Variants in MRE11 observed in about 807,000 individuals in gnomAD.
The protein encoded by MRE11 is double-strand break repair protein MRE11.
In MRE11, 62 loss-of-function variants were observed where a neutral mutation model predicts 91.7. The ratio of observed to expected loss-of-function variants is 0.68; its 90% CI spans 0.55 to 0.84. The LOEUF (loss-of-function observed/expected upper bound fraction) is 0.84, where lower values mean the gene tolerates loss of function less well. Among genes scored for constraint, MRE11 ranks in the 40% least tolerant of loss-of-function variants. MRE11 has a pLI of 0.00. For synonymous variants in MRE11, 273 were observed against 271.4 expected (o/e 1.01, Z -0.06); for missense variants, 796 against 852.9 (o/e 0.93, Z 0.83).
rs1945087108 is a variant in MRE11 at position 94,418,750 on chromosome 11, T to C, written c.*1375A>G. On this transcript the variant is annotated 3_prime_UTR_variant, in exon 20 of 20. Coordinates refer to ENST00000323929, the MANE Select transcript of MRE11 (RefSeq NM_005591.4). ...AGGACAATGCCTTCCACTGAGTTAA[T>C]GTTACTTGCTCAAATAACCCTTATG... The C allele has an allele frequency of 4.3e-6, 1 of 232,346 alleles. No individual in the cohort carries two copies. The highest frequency in any genetic ancestry group is 2.2e-5 in the African/African-American group (1 of 45,336). 14.4% of individuals were successfully genotyped at this position (232,346 alleles called of 1,614,324 possible). A position where few individuals can be genotyped will look rare whatever the true frequency, so the allele number is the denominator to read the frequency against.
Position 94,471,301 on chromosome 11 carries a change from C to T in MRE11, c.845+273G>A, listed in dbSNP as rs567003688. 6.4e-4 allele frequency among the ~76,000 whole-genome samples: 98 copies of T among 152,086 alleles called. 1 individual carries two copies. The highest frequency in any genetic ancestry group is 2.2e-3 in the African/African-American group (92 of 41,544). On this transcript the variant is annotated intron_variant, in intron 8 of 19. Transcript: ENST00000323929. Reference sequence around the variant, plus strand: ...GAAATTAGTAATCATCAACCTAAAACATCTACCTTGAAATATAATAAAAAT... The same window carrying T: ...GAAATTAGTAATCATCAACCTAAAATATCTACCTTGAAATATAATAAAAAT...
At chr11:94,468,515 A>G (rs754731314) in intron 9 of MRE11, among the ~76,000 whole-genome samples, 9 of 152,224 alleles carry the variant, frequency 5.9e-5, no homozygotes, top group Non-Finnish European at 1.3e-4. Context: ...CAGATGGCCA[A>G]CTTCATAGCT....
At chr11:94,461,128 C>T in intron 11 of MRE11, 92 bp from the exon 12 acceptor site, 1 of 1,043,304 alleles carries the variant, frequency 9.6e-7, no homozygotes, top group Non-Finnish European at 1.4e-6. Flanking sequence ...AAGGTAAGGC[C>T]AAACTTTAGC....
chr11:94,507,947 T>A, the MRE11 span, among the ~76,000 whole-genome samples: 4 of 152,322 alleles, frequency 2.6e-5, no homozygotes, highest in Middle Eastern at 0.01. Flanking sequence ...GTGATTTTAA[T>A]GAAGAGAATA....
intron 19 of MRE11, among the ~76,000 whole-genome samples, chr11:94,424,227 A>G (rs1303203572): frequency 2.6e-5 from 4 of 152,216 alleles, no homozygotes; most frequent in Non-Finnish European, 5.9e-5. Context: ...ACTGGATCAC[A>G]GCCAAAATTA....
chr11:94,484,819 AG>A (rs1453115476), intron 4 of MRE11, among the ~76,000 whole-genome samples: 1 of 152,248 alleles, frequency 6.6e-6, no homozygotes, highest in African/African-American at 2.4e-5. Flanking sequence ...TATAAGTATC[AG>A]GGTCATGAAA....
At position 94,479,558 on chromosome 11, in the gene MRE11, T is replaced by C; in HGVS notation, c.402+116A>G. 3 of 862,688 alleles carry C rather than the reference T, an allele frequency of 3.5e-6. No individual in the cohort carries two copies. The South Asian group carries it at 4.4e-5, about 13-fold the overall frequency. The allele number at this position is 862,688 out of a possible 1,614,324, so 53.4% of individuals were successfully genotyped here. A position where few individuals can be genotyped will look rare whatever the true frequency, so the allele number is the denominator to read the frequency against. Reference sequence around the variant, plus strand: ...GCTTGTATGAATGTGAAAAGTCAACTTGACTTTTGACTCAATTTGACTACA... The same window carrying C: ...GCTTGTATGAATGTGAAAAGTCAACCTGACTTTTGACTCAATTTGACTACA... On this transcript the variant is annotated intron_variant, in intron 5 of 19. Coordinates refer to ENST00000323929, the MANE Select transcript of MRE11 (RefSeq NM_005591.4).
chr11:94,442,683 G>A (rs1368716525), intron 16 of MRE11, among the ~76,000 whole-genome samples: 2 of 152,104 alleles, frequency 1.3e-5, no homozygotes, highest in Non-Finnish European at 2.9e-5. Flanking sequence ...AATGCCTACT[G>A]TGCCAGGCTT....
intron 19 of MRE11, among the ~76,000 whole-genome samples, chr11:94,427,086 C>G (rs1044465385): frequency 1.3e-5 from 2 of 152,114 alleles, no homozygotes; most frequent in Non-Finnish European, 2.9e-5. Context: ...GGCAGAGACA[C>G]AACAAAACAA....
chr11:94,474,066 ACT>A (rs1382971138), intron 7 of MRE11, among the ~76,000 whole-genome samples: 5 of 152,084 alleles, frequency 3.3e-5, no homozygotes, highest in Non-Finnish European at 5.9e-5. Flanking sequence ...TATTCCCATA[ACT>A]CTGTTCATTC....
chr11:94,508,372 G>A, the MRE11 span, among the ~76,000 whole-genome samples: 1 of 152,076 alleles, frequency 6.6e-6, no homozygotes, highest in East Asian at 1.9e-4. Context: ...ACATCATGAA[G>A]GTTTTTTTCA....
rs140419101 is a variant in MRE11, at chr11:94,423,065, T to A, written c.2071-2884A>T. Among the ~76,000 whole-genome samples, 836 of 152,238 alleles carry A rather than the reference T, an allele frequency of 5.5e-3. 13 individuals carry two copies. Among genetic ancestry groups the A allele is most frequent in the African/African-American group, 0.019 (799 of 41,518 alleles). ...GTGGAAGAAGGACAAGATGGCCAAC[T>A]AGACAGGGCCAAGAAGCACCACTGC... is the stretch of plus-strand genomic sequence containing the variant. On this transcript the variant is annotated intron_variant, in intron 19 of 19. Transcript: ENST00000323929.
At chr11:94,477,846 C>A (rs544609918) in intron 6 of MRE11, among the ~76,000 whole-genome samples, 1 of 152,202 alleles carries the variant, frequency 6.6e-6, no homozygotes, top group South Asian at 2.1e-4. Context: ...GTGGGTGGAG[C>A]AAGGAGAACA....
At chr11:94,487,968 G>A (rs577912168) in intron 3 of MRE11, among the ~76,000 whole-genome samples, 5 of 152,332 alleles carry the variant, frequency 3.3e-5, no homozygotes, top group African/African-American at 7.2e-5. Context: ...GAAGACTTTA[G>A]ATTCAATAAT....
At chr11:94,426,323 A>G (rs760959076) in intron 19 of MRE11, among the ~76,000 whole-genome samples, 6 of 151,960 alleles carry the variant, frequency 3.9e-5, no homozygotes, top group Non-Finnish European at 8.8e-5. Flanking sequence ...CATTAATGAA[A>G]ATAAAAATAG....
At chr11:94,474,419 C>A (rs1371514138) in intron 7 of MRE11, among the ~76,000 whole-genome samples, 1 of 151,332 alleles carries the variant, frequency 6.6e-6, no homozygotes, top group African/African-American at 2.4e-5. Context: ...ACTGATAGTA[C>A]TGGATCTTCA....
chr11:94,473,580 A>T (rs1269919689), intron 7 of MRE11: 1 of 152,156 alleles, frequency 6.6e-6, no homozygotes, highest in Non-Finnish European at 1.5e-5. Context: ...TAAATATGAA[A>T]GCAGAAGTAT....
chr11:94,453,470 G>T (rs1055722705), intron 14 of MRE11, among the ~76,000 whole-genome samples: 6 of 152,090 alleles, frequency 3.9e-5, no homozygotes, highest in African/African-American at 1.2e-4. Flanking sequence ...CCACATTCTT[G>T]CCGAAACTTG....
intron 14 of MRE11, among the ~76,000 whole-genome samples, chr11:94,453,959 G>T (rs1490941797): frequency 6.6e-6 from 1 of 152,002 alleles, no homozygotes; most frequent in Non-Finnish European, 1.5e-5. Context: ...ACAAGAATAT[G>T]TGATAGAGAC....
Sources: gnomAD v4.1 joint callset for allele counts (sites outside exome capture counted in the v4.1 genomes callset) on GRCh38, gnomAD v4.1.1 for gene constraint, MANE v1.5 for transcripts, NCBI Gene and HGNC (gene_info 2026-07-23, HGNC 2026-07-21) for gene names.